THOC5: variants seen among roughly 807,000 people sequenced by gnomAD.
THOC5 encodes the protein Fms-interacting protein.
Under a neutral mutation model 92.9 loss-of-function variants are expected in THOC5, and 43 were observed. The ratio of observed to expected loss-of-function variants is 0.46; its 90% CI spans 0.36 to 0.60. The LOEUF (loss-of-function observed/expected upper bound fraction) is 0.60. THOC5 is among the 20% of genes least tolerant of loss of function. The pLI is 0.00. For synonymous variants in THOC5, 296 were observed against 320.1 expected, an observed-to-expected ratio of 0.92 and a Z score of 0.80; for missense variants, 659 against 849.4, an observed-to-expected ratio of 0.78 and a Z score of 2.79.
At chr22:29,532,018 A>C in intron 7 of THOC5, 55 bp from the exon 8 acceptor site, 2 of 1,588,432 alleles carry the variant, frequency 1.3e-6, no homozygotes, top group South Asian at 2.3e-5. Context: ...CCACACAGGA[A>C]AAAGTGGCTA....
At chr22:29,525,784 G>A in intron 12 of THOC5, 54 bp downstream of exon 12, 2 of 1,426,790 alleles carry the variant, frequency 1.4e-6, no homozygotes, top group Non-Finnish European at 9.8e-7. Flanking sequence ...CCACAATGAG[G>A]CTCTCATCAC....
chr22:29,549,204 C>T, intron 1 of THOC5, 46 bp from the exon 2 acceptor site: 2 of 1,567,636 alleles, frequency 1.3e-6, no homozygotes, highest in Non-Finnish European at 1.8e-6. Context: ...AGTCATAACA[C>T]TGAAGTCAAA....
In THOC5 at chr22:29,510,279, G is replaced by A. The variant is rs1361700092; in HGVS notation, c.1988+827C>T. ...CTTCTGCTTCATCATGAGCTAGAAG[G>A]TATTACTTTCACCATTTCTGTCTTT... On this transcript the variant is annotated intron_variant, in intron 19 of 19. Coordinates refer to ENST00000490103, the MANE Select transcript of THOC5 (RefSeq NM_003678.5). 2.6e-5 allele frequency among the ~76,000 whole-genome samples: 4 copies of A among 152,072 alleles called. No homozygotes were observed. In the South Asian group the frequency reaches 8.3e-4, roughly 32 times the overall value.
chr22:29,508,749 A>G (rs1036405629), intron 19 of THOC5, among the ~76,000 whole-genome samples: 2 of 152,110 alleles, frequency 1.3e-5, no homozygotes, highest in African/African-American at 2.4e-5. Flanking sequence ...CCTCACTGAC[A>G]GTGGCACTTC....
chr22:29,552,949 G>C (rs2064202964), intron 1 of THOC5, among the ~76,000 whole-genome samples: 2 of 152,088 alleles, frequency 1.3e-5, no homozygotes, highest in South Asian at 4.1e-4. Flanking sequence ...CCCCAACCCC[G>C]TGCTCTCTGA....
At chr22:29,531,414 C>G (rs1017048799) in intron 8 of THOC5, 2 of 1,002,250 alleles carry the variant, frequency 2.0e-6, no homozygotes, top group Non-Finnish European at 2.4e-6. Flanking sequence ...CAAAGACATG[C>G]AGCCTGATTC....
chr22:29,533,664 A>G (rs879534033), intron 7 of THOC5, among the ~76,000 whole-genome samples: 10 of 152,178 alleles, frequency 6.6e-5, no homozygotes, highest in Non-Finnish European at 1.3e-4. Flanking sequence ...ACTCATCTCC[A>G]GGCAACCCAA....
At chr22:29,512,295 G>A (rs1332941821) in intron 17 of THOC5, among the ~76,000 whole-genome samples, 159 bp from the exon 18 acceptor site, 20 of 152,206 alleles carry the variant, frequency 1.3e-4, no homozygotes, top group Admixed American at 1.3e-3. Context: ...AATGTCCTAA[G>A]TGGAATTGCC....
intron 1 of THOC5, among the ~76,000 whole-genome samples, 177 bp from the exon 2 acceptor site, chr22:29,549,335 C>T (rs975154203): frequency 1.3e-5 from 2 of 152,184 alleles, no homozygotes; most frequent in African/African-American, 4.8e-5. Flanking sequence ...CCAAAACAAA[C>T]TCCACCTTCT....
intron 5 of THOC5, among the ~76,000 whole-genome samples, chr22:29,540,089 G>C (rs1317411416): frequency 6.6e-6 from 1 of 152,206 alleles, no homozygotes; most frequent in Non-Finnish European, 1.5e-5. Context: ...AGACCAGCCT[G>C]ATCAACAAGG....
At position 29,541,894 on chromosome 22, in the gene THOC5, ATATATATATAT is replaced by A. The variant is rs377089443; in HGVS notation, c.452+954_452+964del. ...AAAAAAAAAAAAAAAAAAAAAAAAA[ATATATATATAT>A]ATATATATATATATATATCCTGGAC... On this transcript the variant is annotated intron_variant, in intron 5 of 19. Transcript: ENST00000490103. Among the ~76,000 whole-genome samples, 77 of 33,142 alleles carry A rather than the reference ATATATATATAT, an allele frequency of 2.3e-3. 4 individuals are homozygous for A. Among genetic ancestry groups the A allele is most frequent in the East Asian group, 0.016 (15 of 912 alleles). The allele number at this position is 33,142 out of a possible 152,430, so 21.7% of individuals were successfully genotyped here. A position where few individuals can be genotyped will look rare whatever the true frequency, so the allele number is the denominator to read the frequency against.
chr22:29,543,347 CAAAAAAAAAAAAA>C (rs59948387), intron 4 of THOC5, 69 bp downstream of exon 4: 16 of 466,260 alleles, frequency 3.4e-5, no homozygotes, highest in Admixed American at 1.4e-4. Context: ...GACTCTGTCT[CAAAAAAAAAAAAA>C]AAAAAAAAAA....
rs752393893 is a variant in THOC5, at chr22:29,544,447, T to C, written c.240+13A>G. 17 of 1,611,208 alleles carry C rather than the reference T, an allele frequency of 1.1e-5. No homozygotes were observed. Among genetic ancestry groups the C allele is most frequent in the Non-Finnish European group, 1.4e-5 (16 of 1,178,910 alleles). On this transcript the variant is annotated intron_variant, in intron 3 of 19. Coordinates refer to ENST00000490103, the MANE Select transcript of THOC5 (RefSeq NM_003678.5). Reference sequence around the variant, plus strand: ...ACCCACCAGGTTCACGGCCACCTGGTCCCACTCCTTACCACATCCTTGCCA... The same window carrying C: ...ACCCACCAGGTTCACGGCCACCTGGCCCCACTCCTTACCACATCCTTGCCA...
chr22:29,517,400 A>G (rs2063354358), intron 15 of THOC5, 34 bp from the exon 16 acceptor site: 2 of 1,593,930 alleles, frequency 1.3e-6, no homozygotes, highest in East Asian at 4.5e-5. Context: ...CGTCACAGGT[A>G]GAAATCAGGT....
chr22:29,525,788 T>C (rs2063530373), intron 12 of THOC5, 50 bp downstream of exon 12: 1 of 1,480,156 alleles, frequency 6.8e-7, no homozygotes, highest in African/African-American at 1.4e-5. Context: ...AATGAGGCTC[T>C]CATCACCTCC....
At chr22:29,534,586 G>C (rs1390101303) in intron 7 of THOC5, 1 of 150,536 alleles carries the variant, frequency 6.6e-6, no homozygotes, top group Non-Finnish European at 1.5e-5. Context: ...GACTGAACTA[G>C]ATCGCCTTGA....
chr22:29,533,044 G>C (rs1281266723), intron 7 of THOC5, among the ~76,000 whole-genome samples: 14 of 152,156 alleles, frequency 9.2e-5, no homozygotes, highest in Non-Finnish European at 1.5e-5. Flanking sequence ...CCTGAGAAAT[G>C]AAAAGTCTAA....
Position 29,544,445 on chromosome 22 carries a change from G to A in THOC5, c.240+15C>T, listed in dbSNP as rs778717458. 7 of 1,610,118 alleles carry A rather than the reference G, an allele frequency of 4.3e-6. No individual in the cohort carries two copies. The Admixed American group carries it at 6.7e-5, about 15-fold the overall frequency. ...AAACCCACCAGGTTCACGGCCACCT[G>A]GTCCCACTCCTTACCACATCCTTGC... On this transcript the variant is annotated intron_variant, in intron 3 of 19. Coordinates refer to ENST00000490103, the MANE Select transcript of THOC5 (RefSeq NM_003678.5).
chr22:29,525,162 G>C (rs542386342), intron 12 of THOC5, among the ~76,000 whole-genome samples: 41 of 152,286 alleles, frequency 2.7e-4, no homozygotes, highest in Admixed American at 1.1e-3. Flanking sequence ...TGTAGTCCTA[G>C]TTACTCAGGA....
Sources: allele counts gnomAD v4.1 joint callset (sites outside exome capture counted in the v4.1 genomes callset), GRCh38; gene constraint gnomAD v4.1.1; transcripts MANE v1.5; gene names NCBI Gene and HGNC (gene_info 2026-07-23, HGNC 2026-07-21).